MACROD2: variants seen among roughly 807,000 people sequenced by gnomAD.
MACROD2 encodes mono-ADP ribosylhydrolase 2.
MACROD2 carries 36 observed loss-of-function variants against 70.4 expected under a neutral mutation model. That is an observed-to-expected ratio of 0.51 (90% CI 0.39 to 0.68). The LOEUF (loss-of-function observed/expected upper bound fraction) is 0.68, where lower values mean the gene tolerates loss of function less well. Ranked by LOEUF, MACROD2 falls within the 30% of genes least tolerant of loss-of-function variation. The probability of loss-of-function intolerance (pLI) is 0.00; values close to 1 mark genes in which losing one functional copy is unlikely to be tolerated. For missense variants in MACROD2, 496 were observed against 538.4 expected (o/e 0.92, Z 0.78); for synonymous variants, 172 against 178.8 (o/e 0.96, Z 0.30).
intron 4 of MACROD2, among the ~76,000 whole-genome samples, chr20:14,612,924 T>C (rs1342766814): frequency 6.6e-6 from 1 of 152,114 alleles, no homozygotes; most frequent in African/African-American, 2.4e-5. Context: ...CCATTGTACT[T>C]TCAGGCTTGT....
At chr20:15,102,022 A>G (rs1444521656) in intron 5 of MACROD2, among the ~76,000 whole-genome samples, 1 of 152,068 alleles carries the variant, frequency 6.6e-6, no homozygotes, top group South Asian at 2.1e-4. Flanking sequence ...TGCTCAAATC[A>G]TAAGGTAAAG....
chr20:14,803,669 C>T (rs545208407), intron 5 of MACROD2, among the ~76,000 whole-genome samples: 5 of 151,950 alleles, frequency 3.3e-5, no homozygotes, highest in Admixed American at 6.6e-5. Context: ...TTAGTAGAGA[C>T]GGGGTTTCAC....
chr20:14,509,171 T>TA (rs1190035464), intron 4 of MACROD2, among the ~76,000 whole-genome samples: 2 of 152,162 alleles, frequency 1.3e-5, no homozygotes, highest in East Asian at 3.8e-4. Context: ...AAGGATACTT[T>TA]ATCTGTTAGG....
intron 2 of MACROD2, among the ~76,000 whole-genome samples, chr20:14,045,187 G>A (rs567834762): frequency 1.4e-3 from 209 of 152,364 alleles, no homozygotes; most frequent in Non-Finnish European, 1.9e-3. Flanking sequence ...CCTGCAAGCT[G>A]AGGGAGCCGG....
intron 8 of MACROD2, among the ~76,000 whole-genome samples, chr20:15,547,780 G>C (rs16995949): frequency 0.038 from 5,854 of 152,266 alleles, 125 homozygotes; most frequent in East Asian, 0.045. Flanking sequence ...GGACCGAGCA[G>C]CTGGCCAAGA....
intron 5 of MACROD2, among the ~76,000 whole-genome samples, chr20:15,009,772 ATTTTTT>A (rs79069561): frequency 8.5e-6 from 1 of 117,896 alleles, no homozygotes. Flanking sequence ...CCACCTCCCT[ATTTTTT>A]TTTTTTTTTT....
chr20:15,700,010 G>T (rs906269904), intron 8 of MACROD2, among the ~76,000 whole-genome samples: 6 of 152,120 alleles, frequency 3.9e-5, no homozygotes, highest in Non-Finnish European at 7.4e-5. Flanking sequence ...AGAAATTTCT[G>T]CAAACAGACC....
intron 7 of MACROD2, among the ~76,000 whole-genome samples, chr20:15,464,163 G>A (rs149474369): frequency 1.6e-4 from 24 of 152,218 alleles, no homozygotes; most frequent in African/African-American, 5.1e-4. Context: ...ATCCGCATGC[G>A]CCACCATGCC....
At chr20:15,354,988 A>T (rs2078270416) in intron 6 of MACROD2, among the ~76,000 whole-genome samples, 1 of 152,192 alleles carries the variant, frequency 6.6e-6, no homozygotes, top group African/African-American at 2.4e-5. Flanking sequence ...GGTGACACTA[A>T]TATTATTCCA....
At chr20:14,133,311 A>G (rs2054744398) in intron 3 of MACROD2, among the ~76,000 whole-genome samples, 1 of 152,192 alleles carries the variant, frequency 6.6e-6, no homozygotes, top group African/African-American at 2.4e-5. Flanking sequence ...TTTGATATTG[A>G]TTTCAACCAC....
chr20:15,346,531 A>C (rs1600271783), intron 6 of MACROD2, among the ~76,000 whole-genome samples: 1 of 152,168 alleles, frequency 6.6e-6, no homozygotes, highest in African/African-American at 2.4e-5. Flanking sequence ...TTCTTCGTTC[A>C]TAGAGCTGGC....
At chr20:15,597,618 A>C (rs947115707) in intron 8 of MACROD2, among the ~76,000 whole-genome samples, 2 of 152,214 alleles carry the variant, frequency 1.3e-5, no homozygotes, top group African/African-American at 4.8e-5. Flanking sequence ...TGATGATGGC[A>C]TGGGGTTGAG....
At chr20:15,124,970 G>C (rs1311657379) in intron 5 of MACROD2, among the ~76,000 whole-genome samples, 1 of 152,012 alleles carries the variant, frequency 6.6e-6, no homozygotes, top group Admixed American at 6.6e-5. Flanking sequence ...ATTGCAGTAA[G>C]CTAATCATTG....
rs555320480 is a variant in MACROD2 at position 14,966,750 on chromosome 20, G to A, written c.419-263190G>A. ...CTCTTGCTCAACAAGACATTTTGAA[G>A]TAATCTATGTTGTTGCATATACAAA... On this transcript the variant is annotated intron_variant, in intron 5 of 17. Transcript: ENST00000684519. Among the ~76,000 whole-genome samples the A allele has an allele frequency of 8.8e-4, 133 of 151,724 alleles. 1 individual carries two copies. The highest frequency in any genetic ancestry group is 1.5e-3 in the Non-Finnish European group (100 of 68,028).
At chr20:15,437,684 T>C (rs1226905522) in intron 7 of MACROD2, among the ~76,000 whole-genome samples, 1 of 152,110 alleles carries the variant, frequency 6.6e-6, no homozygotes, top group Non-Finnish European at 1.5e-5. Context: ...CCAGAATCTG[T>C]AGTTCCCTTC....
intron 3 of MACROD2, among the ~76,000 whole-genome samples, chr20:14,260,609 C>T (rs1010605699): frequency 6.6e-6 from 1 of 152,146 alleles, no homozygotes; most frequent in Non-Finnish European, 1.5e-5. Flanking sequence ...AGCCCCTAAG[C>T]TCCTTTTAAA....
intron 6 of MACROD2, among the ~76,000 whole-genome samples, chr20:15,337,709 A>G (rs2078063837): frequency 6.6e-6 from 1 of 151,774 alleles, no homozygotes; most frequent in African/African-American, 2.4e-5. Flanking sequence ...GGTCAAAAAA[A>G]AAGAGAACAG....
intron 3 of MACROD2, among the ~76,000 whole-genome samples, chr20:14,099,688 T>G (rs1317327294): frequency 6.6e-6 from 1 of 152,168 alleles, no homozygotes; most frequent in Non-Finnish European, 1.5e-5. Context: ...TATATTTGTG[T>G]TGGATCTATA....
chr20:14,598,892 G>C (rs1982308927), intron 4 of MACROD2, among the ~76,000 whole-genome samples: 1 of 152,074 alleles, frequency 6.6e-6, no homozygotes, highest in African/African-American at 2.4e-5. Context: ...TTTGATAGAA[G>C]AGTTATACTC....
Sources: gnomAD v4.1 joint callset for allele counts (sites outside exome capture counted in the v4.1 genomes callset) on GRCh38, gnomAD v4.1.1 for gene constraint, MANE v1.5 for transcripts, NCBI Gene and HGNC (gene_info 2026-07-23, HGNC 2026-07-21) for gene names.